PVT1: variants seen among roughly 807,000 people sequenced by gnomAD.
PVT1 encodes Pvt1 oncogene, also known as CXCR4/PVT1 fusion.
At chr8:128,039,909 T>C (rs1813510869) in intron 4 of PVT1, among the ~76,000 whole-genome samples, 1 of 152,246 alleles carries the variant, frequency 6.6e-6, no homozygotes, top group African/African-American at 2.4e-5. Context: ...GGATTGGCTA[T>C]GGGGTGCCGT....
intron 3 of PVT1, among the ~76,000 whole-genome samples, chr8:127,926,235 A>T (rs1361159830): frequency 6.6e-6 from 1 of 152,078 alleles, no homozygotes; most frequent in Non-Finnish European, 1.5e-5. Flanking sequence ...AGGGAAGGTG[A>T]CTGCAGGAAA....
At chr8:127,795,086 G>A (rs1004520117) in intron 1 of PVT1, among the ~76,000 whole-genome samples, 1 of 152,182 alleles carries the variant, frequency 6.6e-6, no homozygotes, top group Non-Finnish European at 1.5e-5. Context: ...CTAGAGGTCT[G>A]TGAATGTGTG....
Position 127,912,727 on chromosome 8 carries a change from C to T in PVT1, n.782+21729C>T, listed in dbSNP as rs186398299. On this transcript the variant is annotated intron_variant and non_coding_transcript_variant, in intron 3 of 10. Transcript: ENST00000651587. ...CTTTTTTTTTTTTTTAGACTAGTCT[C>T]ACTCTGTCACCCAGGCTGGAGTGCC... Among the ~76,000 whole-genome samples, 583 of 150,226 alleles carry T rather than the reference C, an allele frequency of 3.9e-3. 5 individuals carry two copies. The highest frequency in any genetic ancestry group is 0.013 in the African/African-American group (539 of 40,878).
intron 3 of PVT1, among the ~76,000 whole-genome samples, chr8:127,942,602 C>G (rs573779304): frequency 6.6e-6 from 1 of 152,188 alleles, no homozygotes; most frequent in Non-Finnish European, 1.5e-5. Context: ...CTGAGGTCCA[C>G]CATGTACTGT....
intron 4 of PVT1, chr8:128,009,068 A>G: frequency 3.1e-6 from 1 of 322,336 alleles, no homozygotes; most frequent in Non-Finnish European, 7.0e-6. Context: ...TAATCAAGAT[A>G]ATTATGAAGT....
At chr8:128,063,434 C>T (rs1388766868) in intron 4 of PVT1, among the ~76,000 whole-genome samples, 1 of 152,004 alleles carries the variant, frequency 6.6e-6, no homozygotes, top group African/African-American at 2.4e-5. Flanking sequence ...ATTGCTTGAA[C>T]TCGGGAAGTG....
At chr8:127,835,691 G>C (rs1814902018) in intron 2 of PVT1, among the ~76,000 whole-genome samples, 1 of 152,128 alleles carries the variant, frequency 6.6e-6, no homozygotes, top group Non-Finnish European at 1.5e-5. Context: ...GAAATCCTGA[G>C]CAGCCTGTTC....
intron 2 of PVT1, among the ~76,000 whole-genome samples, chr8:127,842,403 C>T (rs760859951): frequency 2.6e-5 from 4 of 151,900 alleles, no homozygotes; most frequent in African/African-American, 7.3e-5. Context: ...TACAGGTGTG[C>T]GCTACCGCAC....
At chr8:127,880,259 T>TTCC in intron 2 of PVT1, among the ~76,000 whole-genome samples, 1 of 152,306 alleles carries the variant, frequency 6.6e-6, no homozygotes, top group South Asian at 2.1e-4. Flanking sequence ...ACTGTCTGTG[T>TTCC]AGCTGGAATT....
intron 4 of PVT1, among the ~76,000 whole-genome samples, chr8:128,021,290 CTTTTTT>C (rs11438511): frequency 1.2e-5 from 1 of 81,138 alleles, no homozygotes; most frequent in East Asian, 3.7e-4. Context: ...AGGACTTGTG[CTTTTTT>C]TTTTTTTTTT....
Position 127,914,260 on chromosome 8 carries a change from C to CAA in PVT1, n.782+23301_782+23302dup, listed in dbSNP as rs60359946. Among the ~76,000 whole-genome samples the CAA allele has an allele frequency of 1.4e-3, 67 of 47,856 alleles. 2 individuals are homozygous for CAA. Among genetic ancestry groups the CAA allele is most frequent in the Non-Finnish European group, 2.3e-3 (51 of 22,028 alleles). 31.4% of individuals were successfully genotyped at this position (47,856 alleles called of 152,430 possible). ...AATTAAACACCACCACCACCAACAG[C>CAA]AAAAAAAAAAAAAAAAAAAAAAAAA... On this transcript the variant is annotated intron_variant and non_coding_transcript_variant, in intron 3 of 10. Coordinates refer to ENST00000651587, the Ensembl canonical transcript of PVT1.
intron 3 of PVT1, among the ~76,000 whole-genome samples, chr8:127,966,176 C>T (rs1382496648): frequency 2.0e-5 from 3 of 152,132 alleles, no homozygotes; most frequent in Admixed American, 6.5e-5. Flanking sequence ...AGAATGCAAA[C>T]GTTAATAGTA....
chr8:128,049,466 G>A (rs909327795), intron 4 of PVT1, among the ~76,000 whole-genome samples: 2 of 152,170 alleles, frequency 1.3e-5, no homozygotes, highest in African/African-American at 4.8e-5. Context: ...TGGCTCTGTA[G>A]GGTGAAGGGC....
At chr8:128,001,319 C>T (rs1209010492) in intron 4 of PVT1, among the ~76,000 whole-genome samples, 1 of 152,188 alleles carries the variant, frequency 6.6e-6, no homozygotes, top group Non-Finnish European at 1.5e-5. Context: ...GTGGGCAGGA[C>T]TCCCTAGTGT....
chr8:128,047,327 G>A (rs1813628210), intron 4 of PVT1, among the ~76,000 whole-genome samples: 1 of 152,202 alleles, frequency 6.6e-6, no homozygotes, highest in Non-Finnish European at 1.5e-5. Context: ...GCTTGATTCT[G>A]AACTAAGTCA....
intron 5 of PVT1, among the ~76,000 whole-genome samples, chr8:128,081,268 C>A (rs1814173251): frequency 6.6e-6 from 1 of 152,132 alleles, no homozygotes; most frequent in South Asian, 2.1e-4. Context: ...TTTGACATAC[C>A]ACAGATTGTT....
chr8:128,099,231 T>A (rs1380939909), intron 6 of PVT1: 1 of 152,296 alleles, frequency 6.6e-6, no homozygotes, highest in Non-Finnish European at 1.5e-5. Flanking sequence ...AATTGTGAGC[T>A]TCTCCTGGGT....
intron 2 of PVT1, among the ~76,000 whole-genome samples, chr8:127,799,281 C>G (rs541408131): frequency 6.6e-6 from 1 of 151,960 alleles, no homozygotes; most frequent in Non-Finnish European, 1.5e-5. Flanking sequence ...TGCTTCAGCC[C>G]GGCATGGTGG....
intron 2 of PVT1, among the ~76,000 whole-genome samples, chr8:127,867,088 C>T (rs1815293451): frequency 6.6e-6 from 1 of 152,256 alleles, no homozygotes; most frequent in Non-Finnish European, 1.5e-5. Flanking sequence ...CCTGGCTTAG[C>T]TGGCCTCAGA....
Sources: allele counts gnomAD v4.1 joint callset (sites outside exome capture counted in the v4.1 genomes callset), GRCh38; gene constraint gnomAD v4.1.1; transcripts MANE v1.5; gene names NCBI Gene and HGNC (gene_info 2026-07-23, HGNC 2026-07-21).